TSNARE1: variants seen among roughly 807,000 people sequenced by gnomAD.
TSNARE1 encodes t-SNARE domain-containing protein 1.
In TSNARE1, 49 loss-of-function variants were observed where a neutral mutation model predicts 62.0. The ratio of observed to expected loss-of-function variants is 0.79; its 90% confidence interval spans 0.63 to 1.00. The LOEUF (loss-of-function observed/expected upper bound fraction) is 1.00. Among genes scored for constraint, TSNARE1 ranks in the 50% least tolerant of loss-of-function variants. The pLI, the probability that TSNARE1 is intolerant of heterozygous loss-of-function variation, is 0.00. For synonymous variants in TSNARE1, 328 were observed against 294.4 expected (o/e 1.11, Z -1.17); for missense variants, 755 against 700.1 (o/e 1.08, Z -0.88).
At chr8:142,214,534 G>C (rs114987488) in intron 13 of TSNARE1, among the ~76,000 whole-genome samples, 1,691 of 152,174 alleles carry the variant, frequency 0.011, 41 homozygotes, top group African/African-American at 0.039. Flanking sequence ...GGTCTACCTT[G>C]CGCTGGGCCT....
At chr8:142,395,181 G>A (rs1346129879) in intron 1 of TSNARE1, among the ~76,000 whole-genome samples, 2 of 152,096 alleles carry the variant, frequency 1.3e-5, no homozygotes, top group African/African-American at 4.8e-5. Context: ...ATTTTCCTGT[G>A]CTGGGACCAC....
At chr8:142,256,034 CCGT>C (rs1194097060) in intron 12 of TSNARE1, among the ~76,000 whole-genome samples, 35 of 80,344 alleles carry the variant, frequency 4.4e-4, no homozygotes, top group Middle Eastern at 0.01. Context: ...ACCACTGTCA[CCGT>C]CACCACCACC....
intron 12 of TSNARE1, among the ~76,000 whole-genome samples, chr8:142,245,200 G>A (rs575288671): frequency 4.6e-5 from 7 of 152,324 alleles, no homozygotes; most frequent in African/African-American, 7.2e-5. Context: ...GCCAGTGAGC[G>A]GATTGAGAGG....
At chr8:142,243,451 G>A (rs1027765473) in intron 12 of TSNARE1, among the ~76,000 whole-genome samples, 2 of 152,194 alleles carry the variant, frequency 1.3e-5, no homozygotes, top group African/African-American at 2.4e-5. Context: ...TCGTGACAAC[G>A]TGGAGGCACC....
At chr8:142,275,252 G>A in intron 11 of TSNARE1, 4 of 985,454 alleles carry the variant, frequency 4.1e-6, no homozygotes, top group Non-Finnish European at 4.8e-6. Flanking sequence ...AAGGGGCAAA[G>A]CCCCTGCCTT....
At chr8:142,336,626 G>A (rs1156568284) in intron 4 of TSNARE1, among the ~76,000 whole-genome samples, 4 of 152,228 alleles carry the variant, frequency 2.6e-5, no homozygotes, top group East Asian at 1.9e-4. Flanking sequence ...TACAGGCAGC[G>A]CGGTCAGCAG....
chr8:142,406,161 G>A (rs1293747089), upstream of TSNARE1: 1 of 152,434 alleles, frequency 6.6e-6, no homozygotes, highest in African/African-American at 2.4e-5. Context: ...GCCAGCAAGG[G>A]GCAGGGTCCC....
rs926155066 is a variant in TSNARE1, at chr8:142,272,712, C to G, written c.1446+2069G>C. ...GCGACTTCACAGAGGCCTCATCCCT[C>G]CTGACACACCGTGGGGAGGGCCCCT... On this transcript the variant is annotated intron_variant, in intron 12 of 13. Coordinates refer to ENST00000524325, the MANE Select transcript of TSNARE1 (RefSeq NM_145003.5). 6 of 960,810 alleles carry G rather than the reference C, an allele frequency of 6.2e-6. No homozygotes were observed. In the Admixed American group the frequency reaches 4.1e-4, roughly 66 times the overall value. The allele number at this position is 960,810 out of a possible 1,614,324, so 59.5% of individuals were successfully genotyped here.
At chr8:142,403,713 G>C (rs1838477096), upstream of TSNARE1, 1 of 152,210 alleles carries the variant, frequency 6.6e-6, no homozygotes, top group South Asian at 2.1e-4. Flanking sequence ...CACCAACGAG[G>C]AAACTGAGTC....
intron 2 of TSNARE1, among the ~76,000 whole-genome samples, chr8:142,348,295 C>T (rs1214158302): frequency 1.3e-5 from 2 of 152,150 alleles, no homozygotes; most frequent in African/African-American, 4.8e-5. Context: ...TTAATGCCTG[C>T]GTCAAATTCT....
chr8:142,234,399 T>A (rs1187456413), intron 12 of TSNARE1, among the ~76,000 whole-genome samples: 2 of 139,226 alleles, frequency 1.4e-5, no homozygotes, highest in African/African-American at 5.5e-5. Context: ...TCAGGGAAGG[T>A]TCCAAGATGG....
intron 13 of TSNARE1, among the ~76,000 whole-genome samples, chr8:142,216,966 G>C (rs117158859): frequency 6.6e-6 from 1 of 152,112 alleles, no homozygotes; most frequent in Non-Finnish European, 1.5e-5. Context: ...CCTAAGGACC[G>C]GGCGCGGTGG....
chr8:142,394,140 C>T (rs752361364), intron 1 of TSNARE1, among the ~76,000 whole-genome samples: 1 of 152,220 alleles, frequency 6.6e-6, no homozygotes, highest in Non-Finnish European at 1.5e-5. Flanking sequence ...GCAGGCTGCC[C>T]GTGGGCCCCA....
chr8:142,325,189 G>A (rs1324826162), intron 6 of TSNARE1, among the ~76,000 whole-genome samples: 10 of 152,346 alleles, frequency 6.6e-5, no homozygotes, highest in East Asian at 5.8e-4. Context: ...AGAGGGCAGC[G>A]CGGGCAGAAG....
In TSNARE1 at chr8:142,305,927, C is replaced by T. The variant is rs371851339; in HGVS notation, c.1132-5283G>A. On this transcript the variant is annotated intron_variant, in intron 9 of 13. Transcript: ENST00000524325. ...CACGGTTTCCCGTGGGAAGAGACTC[C>T]GCTCTGCCAGGCATTCAGAAAGCAG... Among the ~76,000 whole-genome samples the T allele has an allele frequency of 1.8e-3, 275 of 152,324 alleles. 4 individuals carry two copies. The highest frequency in any genetic ancestry group is 0.01 in the Middle Eastern group (3 of 294).
chr8:142,223,302 T>TCATTCACTCACTCATACTCACTCAAC, intron 13 of TSNARE1, among the ~76,000 whole-genome samples: 813 of 20,162 alleles, frequency 0.04, 61 homozygotes, highest in African/African-American at 0.16. Context: ...ACTCAACCAC[T>TCATTCACTCACTCATACTCACTCAAC]CACTCATTCA....
intron 10 of TSNARE1, among the ~76,000 whole-genome samples, chr8:142,294,270 C>T (rs774247810): frequency 2.0e-5 from 3 of 152,164 alleles, no homozygotes; most frequent in South Asian, 2.1e-4. Context: ...TTTGCAGGGA[C>T]GAGGCAGGGA....
intron 10 of TSNARE1, among the ~76,000 whole-genome samples, chr8:142,297,251 G>A (rs557684846): frequency 9.2e-5 from 14 of 152,304 alleles, no homozygotes; most frequent in African/African-American, 2.4e-4. Flanking sequence ...CAGTGGACAG[G>A]AGCCCCCAAC....
At chr8:142,386,261 G>A (rs1587115080) in intron 1 of TSNARE1, among the ~76,000 whole-genome samples, 1 of 152,252 alleles carries the variant, frequency 6.6e-6, no homozygotes, top group Non-Finnish European at 1.5e-5. Flanking sequence ...GGGGAAATGG[G>A]AGAACATTAT....
Sources: allele counts gnomAD v4.1 joint callset (sites outside exome capture counted in the v4.1 genomes callset), GRCh38; gene constraint gnomAD v4.1.1; transcripts MANE v1.5; gene names NCBI Gene and HGNC (gene_info 2026-07-23, HGNC 2026-07-21).